Variants in TANGO6 observed in about 807,000 individuals in gnomAD.
TANGO6 encodes transport and Golgi organization protein 6 homolog.
Under a neutral mutation model 114.2 loss-of-function variants are expected in TANGO6, and 90 were observed. That is an observed-to-expected ratio of 0.79 (90% CI 0.66 to 0.94). The LOEUF is 0.94. Ranked by LOEUF, TANGO6 falls within the 40% of genes least tolerant of loss-of-function variation. The pLI, the probability that TANGO6 is intolerant of heterozygous loss-of-function variation, is 0.00. For missense variants in TANGO6, 1,274 were observed against 1,315.3 expected (o/e 0.97, Z 0.49); for synonymous variants, 477 against 509.8 (o/e 0.94, Z 0.87).
rs114421966 is a variant in TANGO6 at position 69,081,329 on chromosome 16, C to T, written c.3109-2156C>T. Among the ~76,000 whole-genome samples, 481 of 152,054 alleles carry T rather than the reference C, an allele frequency of 3.2e-3. 4 individuals carry two copies. The highest frequency in any genetic ancestry group is 0.011 in the African/African-American group (465 of 41,486). On this transcript the variant is annotated intron_variant, in intron 17 of 17. Coordinates refer to ENST00000261778, the MANE Select transcript of TANGO6 (RefSeq NM_024562.2). Reference sequence around the variant, plus strand: ...ATGACCCCCTGTGGCCCAATTGCCTCCTGTACCTAGTTGGACGAGTTGGTC... The same window carrying T: ...ATGACCCCCTGTGGCCCAATTGCCTTCTGTACCTAGTTGGACGAGTTGGTC...
intron 15 of TANGO6, among the ~76,000 whole-genome samples, chr16:69,013,889 C>A (rs1488891275): frequency 2.0e-5 from 3 of 152,138 alleles, no homozygotes; most frequent in Non-Finnish European, 4.4e-5. Context: ...AACTCCTGAG[C>A]TCAGGCAATC....
At chr16:68,939,882 G>A (rs1963334287) in intron 14 of TANGO6, among the ~76,000 whole-genome samples, 1 of 151,992 alleles carries the variant, frequency 6.6e-6, no homozygotes, top group Non-Finnish European at 1.5e-5. Flanking sequence ...GTCTGCTTCA[G>A]TTTCTAGTGT....
rs747153652 is a variant in TANGO6, at chr16:68,902,407, G to A, written c.1570G>A (p.Ala524Thr). The change falls in exon 9 of 18, where the codon GCA becomes ACA. Residue 524 changes from alanine (A) to threonine (T), a missense_variant. By Grantham distance (58) the Ala-to-Thr change is moderately conservative. This residue lies in a region of TANGO6 where 908 missense variants were observed against 910.2 expected (regional missense o/e 1.00). Coordinates refer to ENST00000261778, the MANE Select transcript of TANGO6 (RefSeq NM_024562.2). ...GGCAATTGCCAGCCTGAAAGGATTT[G>A]CAGGGTTGGACAAAGCTGTGCCCTC... The part of the protein sequence containing the change: ...KKAIASLKGF[A>T]GLDKAVPSLH... 1.9e-6 allele frequency: 3 copies of A among 1,613,808 alleles called. No individual in the cohort carries two copies. Among genetic ancestry groups the A allele is most frequent in the Non-Finnish European group, 2.5e-6 (3 of 1,179,846 alleles).
At chr16:68,952,300 C>T (rs939834132) in intron 14 of TANGO6, among the ~76,000 whole-genome samples, 7 of 152,118 alleles carry the variant, frequency 4.6e-5, no homozygotes, top group Non-Finnish European at 1.0e-4. Flanking sequence ...TCAGACTTCC[C>T]CTTAAATACA....
At chr16:68,903,081 T>A (rs976075615) in intron 9 of TANGO6, among the ~76,000 whole-genome samples, 1 of 152,244 alleles carries the variant, frequency 6.6e-6, no homozygotes, top group Non-Finnish European at 1.5e-5. Context: ...CGTAAATTCC[T>A]GTTGGTCATA....
intron 11 of TANGO6, among the ~76,000 whole-genome samples, chr16:68,916,289 G>A (rs1386577484): frequency 2.6e-5 from 4 of 152,100 alleles, no homozygotes; most frequent in South Asian, 2.1e-4. Context: ...CCTGAGCGCC[G>A]CCTCCTGTCA....
chr16:68,864,671 T>C (rs1962150320), intron 3 of TANGO6, among the ~76,000 whole-genome samples: 1 of 152,116 alleles, frequency 6.6e-6, no homozygotes, highest in Non-Finnish European at 1.5e-5. Context: ...TACAGAGATA[T>C]CTCCTAATTG....
intron 16 of TANGO6, among the ~76,000 whole-genome samples, chr16:69,023,263 CTG>C (rs1959443867): frequency 6.6e-6 from 1 of 152,058 alleles, no homozygotes; most frequent in Admixed American, 6.6e-5. Context: ...TGAAACCAGC[CTG>C]GTCAACATGG....
chr16:69,065,674 G>C (rs1397488745), intron 17 of TANGO6, among the ~76,000 whole-genome samples: 1 of 152,144 alleles, frequency 6.6e-6, no homozygotes, highest in Non-Finnish European at 1.5e-5. Flanking sequence ...ATGCCACTGT[G>C]AACTTCAGTG....
intron 1 of TANGO6, among the ~76,000 whole-genome samples, chr16:68,853,743 C>T (rs1210987273): frequency 1.3e-5 from 2 of 152,172 alleles, no homozygotes; most frequent in Non-Finnish European, 2.9e-5. Context: ...TTGATCATGT[C>T]ATACTTCTGC....
At chr16:68,936,304 G>A (rs1963298764) in intron 14 of TANGO6, among the ~76,000 whole-genome samples, 1 of 152,094 alleles carries the variant, frequency 6.6e-6, no homozygotes, top group African/African-American at 2.4e-5. Flanking sequence ...TGATAAATAA[G>A]TGATATTCTT....
At chr16:68,982,160 C>T (rs139053176) in intron 15 of TANGO6, among the ~76,000 whole-genome samples, 2 of 152,210 alleles carry the variant, frequency 1.3e-5, no homozygotes, top group Non-Finnish European at 2.9e-5. Flanking sequence ...CTAGAACCCA[C>T]GTGGGCCATT....
chr16:68,930,187 A>G, intron 13 of TANGO6, 51 bp from the exon 14 acceptor site: 1 of 1,497,452 alleles, frequency 6.7e-7, no homozygotes, highest in Non-Finnish European at 9.1e-7. Context: ...AGCCTCTTAA[A>G]TCTTCCTTGT....
chr16:68,859,533 T>C (rs1000252163), intron 1 of TANGO6, among the ~76,000 whole-genome samples: 1 of 152,192 alleles, frequency 6.6e-6, no homozygotes, highest in Non-Finnish European at 1.5e-5. Context: ...TGAGTGCATG[T>C]TCTATGGTAA....
intron 15 of TANGO6, among the ~76,000 whole-genome samples, chr16:69,015,130 C>G (rs1190145630): frequency 1.3e-5 from 2 of 151,996 alleles, no homozygotes. Flanking sequence ...GGTAGCAGAG[C>G]CCCAAGAAAT....
chr16:68,990,321 G>T (rs991811148), intron 15 of TANGO6, among the ~76,000 whole-genome samples: 1 of 152,218 alleles, frequency 6.6e-6, no homozygotes, highest in African/African-American at 2.4e-5. Context: ...ATGGCAGAAG[G>T]CAAGGAGGAG....
chr16:68,994,222 C>T (rs147709884), intron 15 of TANGO6, among the ~76,000 whole-genome samples: 1 of 152,222 alleles, frequency 6.6e-6, no homozygotes, highest in Admixed American at 6.5e-5. Context: ...ATTTCCTGTA[C>T]ATTGTTTTAC....
chr16:68,922,178 AAG>A (rs944101293), intron 12 of TANGO6, among the ~76,000 whole-genome samples: 42 of 151,882 alleles, frequency 2.8e-4, no homozygotes, highest in Non-Finnish European at 2.9e-5. Context: ...TGTGTCTGGG[AAG>A]AGGAGTTAAT....
At chr16:69,078,248 C>T (rs556917854) in intron 17 of TANGO6, among the ~76,000 whole-genome samples, 26 of 152,318 alleles carry the variant, frequency 1.7e-4, no homozygotes, top group South Asian at 1.2e-3. Flanking sequence ...GGGGAAGGGT[C>T]GGCCTGGGGA....
Sources: allele counts gnomAD v4.1 joint callset (sites outside exome capture counted in the v4.1 genomes callset), GRCh38; gene constraint gnomAD v4.1.1; regional missense constraint gnomAD v4.1.1; transcripts MANE v1.5; gene names NCBI Gene and HGNC (gene_info 2026-07-23, HGNC 2026-07-21).